The following IHO1 variants were observed in gnomAD, a reference collection of about 807,000 sequenced individuals.
The protein encoded by IHO1 is interactor of HORMAD1 protein 1.
A neutral mutation model predicts 31.0 loss-of-function variants in IHO1; 13 were observed. The observed-to-expected ratio is 0.42, with a 90% confidence interval of 0.27 to 0.67. IHO1 has a LOEUF of 0.67. Among genes scored for constraint, IHO1 ranks in the 30% least tolerant of loss-of-function variants. IHO1 has a pLI of 0.24. For synonymous variants in IHO1, 221 were observed against 248.4 expected, an observed-to-expected ratio of 0.89 and a Z score of 1.04; for missense variants, 599 against 687.5, an observed-to-expected ratio of 0.87 and a Z score of 1.44.
At chr3:49,250,385 A>G (rs918247218) in intron 6 of IHO1, among the ~76,000 whole-genome samples, 1 of 152,218 alleles carries the variant, frequency 6.6e-6, no homozygotes, top group African/African-American at 2.4e-5. Flanking sequence ...AGAAGACGCC[A>G]AACATATGTT....
chr3:49,237,842 A>G (rs1559448511), intron 3 of IHO1, among the ~76,000 whole-genome samples: 1 of 146,494 alleles, frequency 6.8e-6, no homozygotes, highest in Non-Finnish European at 1.5e-5. Context: ...AATGAGGAAC[A>G]GAGTCTCTTG....
chr3:49,206,634 CTA>C (rs2046141874), intron 1 of IHO1, among the ~76,000 whole-genome samples: 1 of 152,144 alleles, frequency 6.6e-6, no homozygotes, highest in South Asian at 2.1e-4. Context: ...CGTTGCTGAC[CTA>C]TCTCATCCTG....
intron 2 of IHO1, 71 bp from the exon 3 acceptor site, chr3:49,236,477 A>G (rs771726850): frequency 8.9e-5 from 101 of 1,128,914 alleles, no homozygotes; most frequent in Middle Eastern, 2.5e-4. Flanking sequence ...TGAAATGGAC[A>G]GCTGTGAACT....
At chr3:49,212,925 C>T (rs142487205) in intron 2 of IHO1, among the ~76,000 whole-genome samples, 3,441 of 152,270 alleles carry the variant, frequency 0.023, 64 homozygotes, top group Non-Finnish European at 0.03. Flanking sequence ...CCTTATCTGG[C>T]CCCACCCACA....
chr3:49,256,832 C>T lies in IHO1; in HGVS notation c.1335C>T (p.Pro445=), dbSNP rs375268739. Reference sequence around the variant, plus strand: ...GGGGGAAAGACAAGAAGCAGCAGCCCAGGAAGGCCCACAGGGCCCACAGAG... The same window carrying T: ...GGGGGAAAGACAAGAAGCAGCAGCCTAGGAAGGCCCACAGGGCCCACAGAG... ...EMRGKDKKQQ[P]RKAHRAHRGR... Residue 445 remains proline, a synonymous_variant, in exon 8 of 8, where the codon CCC becomes CCT. Coordinates refer to ENST00000452691, the MANE Select transcript of IHO1 (RefSeq NM_001135197.2). This position sits in a 1 kb window ranked among gnomAD's most constrained non-coding sequence, Gnocchi z 4.6. 134 of 1,614,062 alleles carry T rather than the reference C, an allele frequency of 8.3e-5. No individual in the cohort carries two copies. Among genetic ancestry groups the T allele is most frequent in the Non-Finnish European group, 1.1e-4 (126 of 1,180,054 alleles).
At chr3:49,251,526 G>A (rs1473603300) in intron 6 of IHO1, among the ~76,000 whole-genome samples, 2 of 151,638 alleles carry the variant, frequency 1.3e-5, no homozygotes, top group Non-Finnish European at 2.9e-5. Flanking sequence ...CTTGTGATCC[G>A]CCAGCTTTGG....
chr3:49,213,668 A>G (rs1388758323), intron 2 of IHO1, among the ~76,000 whole-genome samples: 1 of 152,176 alleles, frequency 6.6e-6, no homozygotes, highest in Non-Finnish European at 1.5e-5. Context: ...TGCACCCTCC[A>G]CAGCTGCTGG....
At chr3:49,196,324 C>CT (rs904734693), upstream of IHO1, among the ~76,000 whole-genome samples, 7,816 of 134,592 alleles carry the variant, frequency 0.058, 328 homozygotes, top group Non-Finnish European at 0.089. Flanking sequence ...AACGTTTTTA[C>CT]TTTTTTTTTT....
chr3:49,198,719 C>T (rs1247869093), upstream of IHO1: 2 of 152,276 alleles, frequency 1.3e-5, no homozygotes, highest in African/African-American at 4.8e-5. Context: ...GCCATGCTGC[C>T]CAGGCTGGTC....
At position 49,244,408 on chromosome 3, in the gene IHO1, A is replaced by G; in HGVS notation, c.400A>G (p.Thr134Ala). Residue 134 changes from threonine (T) to alanine (A), a missense_variant, in exon 5 of 8, where the codon ACT (threonine) becomes GCT (alanine). By Grantham distance (58) the Thr-to-Ala change is moderately conservative (BLOSUM62 0). Coordinates refer to ENST00000452691, the MANE Select transcript of IHO1 (RefSeq NM_001135197.2). Reference sequence around the variant, plus strand: ...CTTTTTTCCCTCCTATTCTAGTGAGACTCTATACAACTTTGTTTCTAATGT... The same window carrying G: ...CTTTTTTCCCTCCTATTCTAGTGAGGCTCTATACAACTTTGTTTCTAATGT... ...KRAKDKCDSE[T>A]LYNFVSNVRE... The G allele has an allele frequency of 1.9e-6, 3 of 1,540,106 alleles. No homozygotes were observed. The highest frequency in any genetic ancestry group is 2.7e-6 in the Non-Finnish European group (3 of 1,124,184).
At chr3:49,225,050 G>GT (rs2046402202) in intron 2 of IHO1, among the ~76,000 whole-genome samples, 1 of 152,226 alleles carries the variant, frequency 6.6e-6, no homozygotes, top group Non-Finnish European at 1.5e-5. Context: ...CCCGTAAACA[G>GT]TGAGGCCAGC....
upstream of IHO1, among the ~76,000 whole-genome samples, chr3:49,193,901 G>T (rs561000014): frequency 1.3e-5 from 2 of 151,358 alleles, no homozygotes; most frequent in South Asian, 4.2e-4. Context: ...GGCAGAGGTT[G>T]CAGTGAGCCG....
rs552582397 is a variant in IHO1 at position 49,249,639 on chromosome 3, A to C, written c.532+4906A>C. ...CAAAATAGATATAATTGTTAAGAAG[A>C]GTGAGATCCATCTATATGAATATGG... On this transcript the variant is annotated intron_variant, in intron 6 of 7. Transcript: ENST00000452691. Among the ~76,000 whole-genome samples, 3 of 152,348 alleles carry C rather than the reference A, an allele frequency of 2.0e-5. No individual in the cohort carries two copies. The East Asian group carries it at 5.8e-4, about 29-fold the overall frequency.
upstream of IHO1, among the ~76,000 whole-genome samples, chr3:49,193,526 A>G (rs1420267545): frequency 2.4e-4 from 35 of 144,414 alleles, no homozygotes; most frequent in East Asian, 8.3e-4. Context: ...GTGAAACCCC[A>G]TTTCTACTAA....
At chr3:49,224,851 C>T (rs373578658) in intron 2 of IHO1, among the ~76,000 whole-genome samples, 48 of 152,042 alleles carry the variant, frequency 3.2e-4, no homozygotes, top group South Asian at 1.3e-3. Flanking sequence ...TTGAGGGCTA[C>T]GCATGTATGT....
intron 1 of IHO1, among the ~76,000 whole-genome samples, chr3:49,211,006 GTTT>G (rs59697636): frequency 1.7e-5 from 2 of 116,708 alleles, no homozygotes. Flanking sequence ...TCTCCATTTA[GTTT>G]TTTTTTTTTT....
intron 6 of IHO1, among the ~76,000 whole-genome samples, chr3:49,247,177 C>T (rs1159316095): frequency 2.6e-5 from 4 of 151,344 alleles, no homozygotes; most frequent in Admixed American, 2.6e-4. Context: ...GGGTAAGACT[C>T]AGAAGAGAGG....
rs560888165 is a variant in IHO1 at position 49,218,073 on chromosome 3, T to A, written c.56+6237T>A. ...GCTTACTCTCACACTGGCTTTCTTATTAGCAGCTTACTCTCACACTCTCCG... is the reference window on the plus strand; with the variant it reads ...GCTTACTCTCACACTGGCTTTCTTAATAGCAGCTTACTCTCACACTCTCCG... On this transcript the variant is annotated intron_variant, in intron 2 of 7. Coordinates refer to ENST00000452691, the MANE Select transcript of IHO1 (RefSeq NM_001135197.2). 2.6e-5 allele frequency among the ~76,000 whole-genome samples: 4 copies of A among 152,316 alleles called. No individual in the cohort carries two copies. The East Asian group carries it at 7.7e-4, about 29-fold the overall frequency.
intron 6 of IHO1, among the ~76,000 whole-genome samples, chr3:49,246,514 G>C (rs994804091): frequency 6.6e-6 from 1 of 152,014 alleles, no homozygotes; most frequent in Admixed American, 6.6e-5. Flanking sequence ...CAGGCGTGGT[G>C]GCAGACACCT....
Sources: gnomAD v4.1 joint callset for allele counts (sites outside exome capture counted in the v4.1 genomes callset) on GRCh38, gnomAD v4.1.1 for gene constraint, Gnocchi (gnomAD v3.1) non-coding constraint, MANE v1.5 for transcripts, NCBI Gene and HGNC (gene_info 2026-07-23, HGNC 2026-07-21) for gene names.